Variants in DDX10 observed in about 807,000 individuals in gnomAD.
DDX10 encodes DEAD-box helicase 10, also known as probable ATP-dependent RNA helicase DDX10.
A neutral mutation model predicts 104.3 loss-of-function variants in DDX10; 74 were observed. The ratio of observed to expected loss-of-function variants is 0.71; its 90% CI spans 0.59 to 0.86. DDX10 has a LOEUF of 0.86. Ranked by LOEUF, DDX10 falls within the 40% of genes least tolerant of loss-of-function variation. The probability of loss-of-function intolerance (pLI) is 0.00; values close to 1 mark genes in which losing one functional copy is unlikely to be tolerated. For synonymous variants in DDX10, 351 were observed against 353.4 expected, an observed-to-expected ratio of 0.99 and a Z score of 0.08; for missense variants, 952 against 1,040.0, an observed-to-expected ratio of 0.92 and a Z score of 1.16.
chr11:108,790,757 C>G (rs1224085100), intron 13 of DDX10, among the ~76,000 whole-genome samples: 1 of 151,058 alleles, frequency 6.6e-6, no homozygotes, highest in Non-Finnish European at 1.5e-5. Flanking sequence ...CATGGTCTCT[C>G]TTTTTGTTTT....
At chr11:108,720,715 T>TGA (rs1292519922) in intron 12 of DDX10, among the ~76,000 whole-genome samples, 1 of 152,036 alleles carries the variant, frequency 6.6e-6, no homozygotes, top group Admixed American at 6.6e-5. Context: ...CTCAGCCTCC[T>TGA]GAGTAGCTGG....
intron 13 of DDX10, among the ~76,000 whole-genome samples, chr11:108,732,793 T>C (rs1011174934): frequency 2.0e-5 from 3 of 152,172 alleles, no homozygotes; most frequent in African/African-American, 7.2e-5. Context: ...TTCAGAAAGT[T>C]GACCTCCAGG....
intron 13 of DDX10, among the ~76,000 whole-genome samples, chr11:108,761,498 C>T (rs1286170496): frequency 2.6e-5 from 4 of 151,876 alleles, no homozygotes; most frequent in African/African-American, 7.3e-5. Context: ...CCCTTGGTTT[C>T]GTATGCAGTT....
rs143030420 is a variant in DDX10, at chr11:108,747,930, C to T, written c.1965+24468C>T. Among the ~76,000 whole-genome samples, 509 of 152,104 alleles carry T rather than the reference C, an allele frequency of 3.3e-3. 4 individuals are homozygous for T. The highest frequency in any genetic ancestry group is 0.012 in the African/African-American group (489 of 41,486). The stretch of plus-strand genomic sequence containing the variant: ...ACAGTATGTCAGATAGAGACAGACA[C>T]ATACATATACAGTAGGAGTGAAAAA... On this transcript the variant is annotated intron_variant, in intron 13 of 17. Coordinates refer to ENST00000322536, the MANE Select transcript of DDX10 (RefSeq NM_004398.4).
intron 16 of DDX10, among the ~76,000 whole-genome samples, chr11:108,885,102 CTT>C (rs1483271866): frequency 1.3e-5 from 2 of 152,140 alleles, no homozygotes; most frequent in Non-Finnish European, 2.9e-5. Flanking sequence ...GTTTAATACT[CTT>C]TGTCACATTG....
intron 6 of DDX10, 108 bp downstream of exon 6, chr11:108,679,668 T>G (rs992434190): frequency 1.7e-5 from 14 of 812,570 alleles, no homozygotes. Context: ...CTATGAGTTA[T>G]TGGTTATGCA....
At chr11:108,800,291 A>AT (rs1862001564) in intron 13 of DDX10, among the ~76,000 whole-genome samples, 1 of 150,734 alleles carries the variant, frequency 6.6e-6, no homozygotes, top group Admixed American at 6.6e-5. Flanking sequence ...AAAAAAAAAA[A>AT]AAAATTAGCC....
chr11:108,922,275 A>G lies in DDX10; in HGVS notation c.2450+4257A>G, dbSNP rs1863843998. 2.7e-5 allele frequency: 4 copies of G among 149,630 alleles called. No homozygotes were observed. The South Asian group carries it at 8.4e-4, about 32-fold the overall frequency. The allele number at this position is 149,630 out of a possible 1,614,324, so 9.3% of individuals were successfully genotyped here. On this transcript the variant is annotated intron_variant, in intron 17 of 17. Transcript: ENST00000322536. Reference sequence around the variant, plus strand: ...AAAAAAAAAAAAAAAAGAGAGAGAGAGAGAGAGAAGAAAGCGAAGAAAGCA... The same window carrying G: ...AAAAAAAAAAAAAAAAGAGAGAGAGGGAGAGAGAAGAAAGCGAAGAAAGCA...
intron 16 of DDX10, among the ~76,000 whole-genome samples, chr11:108,885,942 A>G (rs1863291241): frequency 6.6e-6 from 1 of 152,204 alleles, no homozygotes; most frequent in Non-Finnish European, 1.5e-5. Flanking sequence ...TAGAGAATTA[A>G]GGGAAAAGAT....
chr11:108,709,750 CT>C, intron 10 of DDX10, among the ~76,000 whole-genome samples: 1 of 152,060 alleles, frequency 6.6e-6, no homozygotes, highest in Middle Eastern at 3.4e-3. Context: ...TTTTTCCCCC[CT>C]ATTGATTTCC....
intron 3 of DDX10, 74 bp downstream of exon 3, chr11:108,675,800 A>G: frequency 6.5e-7 from 1 of 1,536,358 alleles, no homozygotes; most frequent in Admixed American, 1.9e-5. Flanking sequence ...TGCAGATTAT[A>G]TAAAGAGATG....
chr11:108,905,554 A>G (rs1478824595), intron 16 of DDX10, among the ~76,000 whole-genome samples: 4 of 152,148 alleles, frequency 2.6e-5, no homozygotes, highest in African/African-American at 9.7e-5. Flanking sequence ...TCAAAGATGC[A>G]GTGTAGTTTC....
chr11:108,776,424 G>A (rs550572248), intron 13 of DDX10, among the ~76,000 whole-genome samples: 1 of 152,234 alleles, frequency 6.6e-6, no homozygotes, highest in South Asian at 2.1e-4. Flanking sequence ...TGTGGTGCAT[G>A]TTCTGACTCC....
chr11:108,877,693 T>C (rs1008609088), intron 16 of DDX10, among the ~76,000 whole-genome samples: 1 of 152,210 alleles, frequency 6.6e-6, no homozygotes, highest in Non-Finnish European at 1.5e-5. Flanking sequence ...TCTAAACTTG[T>C]GGATCTGAGT....
intron 7 of DDX10, among the ~76,000 whole-genome samples, chr11:108,690,107 C>A (rs1396795853): frequency 6.6e-6 from 1 of 152,108 alleles, no homozygotes; most frequent in Non-Finnish European, 1.5e-5. Flanking sequence ...TTCAAAGCTT[C>A]CAGTCTCCTG....
intron 17 of DDX10, among the ~76,000 whole-genome samples, chr11:108,939,645 A>G (rs1379658609): frequency 6.6e-6 from 1 of 152,092 alleles, no homozygotes; most frequent in African/African-American, 2.4e-5. Context: ...CTTTGTTTTT[A>G]TGGTCTATGT....
intron 15 of DDX10, among the ~76,000 whole-genome samples, chr11:108,842,987 T>C (rs1388186808): frequency 6.6e-6 from 1 of 152,236 alleles, no homozygotes; most frequent in African/African-American, 2.4e-5. Flanking sequence ...TTGAATATTG[T>C]TCTGGAAACC....
intron 16 of DDX10, among the ~76,000 whole-genome samples, chr11:108,879,154 A>T (rs147492207): frequency 6.6e-6 from 1 of 152,064 alleles, no homozygotes; most frequent in Non-Finnish European, 1.5e-5. Flanking sequence ...GGTGCACGCC[A>T]CCACACCCGG....
chr11:108,835,875 T>A (rs910724507), intron 13 of DDX10, among the ~76,000 whole-genome samples: 1 of 152,062 alleles, frequency 6.6e-6, no homozygotes, highest in Non-Finnish European at 1.5e-5. Flanking sequence ...CCTTTGATCG[T>A]TTGTTACTCC....
Sources: gnomAD v4.1 joint callset for allele counts (sites outside exome capture counted in the v4.1 genomes callset) on GRCh38, gnomAD v4.1.1 for gene constraint, MANE v1.5 for transcripts, NCBI Gene and HGNC (gene_info 2026-07-23, HGNC 2026-07-21) for gene names.